FIP1L1: variants seen among roughly 807,000 people sequenced by gnomAD.
FIP1L1 encodes the protein pre-mRNA 3'-end-processing factor FIP1.
FIP1L1 carries 21 observed loss-of-function variants against 84.6 expected under a neutral mutation model. The ratio of observed to expected loss-of-function variants is 0.25; its 90% CI spans 0.18 to 0.36. The LOEUF is 0.36. FIP1L1 is among the 10% of genes least tolerant of loss of function. The probability of loss-of-function intolerance (pLI) is 1.00; values close to 1 mark genes in which losing one functional copy is unlikely to be tolerated. For synonymous variants in FIP1L1, 263 were observed against 242.3 expected, an observed-to-expected ratio of 1.09 and a Z score of -0.80; for missense variants, 526 against 751.1, an observed-to-expected ratio of 0.70 and a Z score of 3.50.
At chr4:53,420,840 G>A (rs1762124494) in intron 11 of FIP1L1, among the ~76,000 whole-genome samples, 1 of 152,120 alleles carries the variant, frequency 6.6e-6, no homozygotes, top group Non-Finnish European at 1.5e-5. Context: ...ATATTCTTAT[G>A]TTGATGGATA....
At chr4:53,393,478 C>T (rs1234788361) in intron 9 of FIP1L1, among the ~76,000 whole-genome samples, 1 of 152,144 alleles carries the variant, frequency 6.6e-6, no homozygotes, top group Non-Finnish European at 1.5e-5. Context: ...CATACAGCTT[C>T]AACACTTAAC....
Position 53,458,711 on chromosome 4 carries a change from G to A in FIP1L1, c.1558G>A (p.Ala520Thr). Residue 520 changes from alanine to threonine, a missense_variant, in exon 17 of 18, where the codon GCA becomes ACA. Transcript: ENST00000337488. The stretch of plus-strand genomic sequence containing the variant: ...AGAAAGAGGTTATGAGCGTCACAGA[G>A]CAAGTCGAGAAAAAGAAGAACGACA... ...YAERGYERHRASREKEERHRE... is the reference protein window; with the variant it reads ...YAERGYERHRTSREKEERHRE... 1 of 1,613,262 alleles carries A rather than the reference G, an allele frequency of 6.2e-7. No individual in the cohort carries two copies. Among genetic ancestry groups the A allele is most frequent in the Non-Finnish European group, 8.5e-7 (1 of 1,179,492 alleles).
intron 10 of FIP1L1, among the ~76,000 whole-genome samples, chr4:53,404,283 A>G (rs1751963641): frequency 6.6e-6 from 1 of 150,456 alleles, no homozygotes; most frequent in African/African-American, 2.4e-5. Context: ...TTCTTGTGAT[A>G]GTTTACTGAG....
In FIP1L1 at chr4:53,431,277, A is replaced by G. The variant is rs114033811; in HGVS notation, c.1174+3094A>G. ...CAGTTACCCTTTACCACAGAACCAC[A>G]TGATTACACTATGTTCCGTAGTTTG... On this transcript the variant is annotated intron_variant, in intron 13 of 17. Transcript: ENST00000337488. Among the ~76,000 whole-genome samples, 1,092 of 152,336 alleles carry G rather than the reference A, an allele frequency of 7.2e-3. 14 individuals are homozygous for G. Among genetic ancestry groups the G allele is most frequent in the African/African-American group, 0.025 (1,020 of 41,572 alleles).
chr4:53,431,352 T>A (rs1257828603), intron 13 of FIP1L1, among the ~76,000 whole-genome samples: 2 of 152,232 alleles, frequency 1.3e-5, no homozygotes, highest in Non-Finnish European at 2.9e-5. Context: ...GAAAGAAAGC[T>A]ATGATTCAGG....
At chr4:53,444,170 C>A in intron 15 of FIP1L1, 67 bp downstream of exon 15, 2 of 1,059,710 alleles carry the variant, frequency 1.9e-6, no homozygotes, top group South Asian at 1.3e-5. Context: ...ATTTTTAAAG[C>A]AATAAAAACG....
chr4:53,382,220 C>A (rs1738473586), intron 3 of FIP1L1, 58 bp from the exon 4 acceptor site: 1 of 1,184,252 alleles, frequency 8.4e-7, no homozygotes, highest in Non-Finnish European at 1.3e-6. Context: ...CTAATATAAT[C>A]TATCTGTACT....
intron 12 of FIP1L1, among the ~76,000 whole-genome samples, chr4:53,426,301 C>G (rs1303975644): frequency 4.6e-5 from 7 of 151,694 alleles, no homozygotes; most frequent in Non-Finnish European, 8.8e-5. Flanking sequence ...GAGATGAGAC[C>G]CAAGTCTAAA....
intron 16 of FIP1L1, among the ~76,000 whole-genome samples, chr4:53,454,127 G>A (rs1717651104): frequency 6.6e-6 from 1 of 152,104 alleles, no homozygotes; most frequent in South Asian, 2.1e-4. Context: ...CCTGATTTTA[G>A]TTATTTATAT....
intron 15 of FIP1L1, among the ~76,000 whole-genome samples, chr4:53,450,321 G>C (rs1346367258): frequency 6.6e-6 from 1 of 152,128 alleles, no homozygotes; most frequent in Non-Finnish European, 1.5e-5. Context: ...AATTTGAAAT[G>C]GTTAGGTATT....
At chr4:53,450,332 AT>A (rs1221202642) in intron 15 of FIP1L1, among the ~76,000 whole-genome samples, 1 of 152,170 alleles carries the variant, frequency 6.6e-6, no homozygotes, top group Non-Finnish European at 1.5e-5. Context: ...GTTAGGTATT[AT>A]TTTCTCATAA....
chr4:53,460,716 A>G lies in FIP1L1; in HGVS notation c.*1267A>G, dbSNP rs1452229728. 12 of 550,076 alleles carry G rather than the reference A, an allele frequency of 2.2e-5. No individual in the cohort carries two copies. Among genetic ancestry groups the G allele is most frequent in the Non-Finnish European group, 3.4e-5 (11 of 322,540 alleles). The allele number at this position is 550,076 out of a possible 1,614,324, so 34.1% of individuals were successfully genotyped here. ...GAGAAATCCTCCACACTGAAAAAAAACTAGTAGTTTTAATTTTTTTGGAAT... is the reference window on the plus strand; with the variant it reads ...GAGAAATCCTCCACACTGAAAAAAAGCTAGTAGTTTTAATTTTTTTGGAAT... On this transcript the variant is annotated 3_prime_UTR_variant, in exon 18 of 18. Coordinates refer to ENST00000337488, the MANE Select transcript of FIP1L1 (RefSeq NM_030917.4).
chr4:53,379,730 A>T (rs950191136), intron 3 of FIP1L1, among the ~76,000 whole-genome samples: 1 of 152,142 alleles, frequency 6.6e-6, no homozygotes, highest in Non-Finnish European at 1.5e-5. Context: ...TAATTAGCTG[A>T]TTTGTTATAA....
chr4:53,414,535 C>G, intron 10 of FIP1L1, 80 bp from the exon 11 acceptor site: 1 of 811,180 alleles, frequency 1.2e-6, no homozygotes, highest in South Asian at 1.8e-5. Context: ...AAAAGCATGT[C>G]AAGAAAAAAA....
intron 9 of FIP1L1, among the ~76,000 whole-genome samples, chr4:53,394,433 T>G (rs1746153057): frequency 6.6e-6 from 1 of 152,140 alleles, no homozygotes; most frequent in Admixed American, 6.5e-5. Flanking sequence ...GATGTCAGTA[T>G]TTTTAGGTGT....
intron 3 of FIP1L1, among the ~76,000 whole-genome samples, chr4:53,380,542 A>G (rs1210686977): frequency 6.6e-6 from 1 of 152,218 alleles, no homozygotes. Context: ...AGATTGTATA[A>G]TATGTGAATT....
intron 9 of FIP1L1, among the ~76,000 whole-genome samples, chr4:53,395,864 T>C (rs2149442003): frequency 6.6e-6 from 1 of 152,280 alleles, no homozygotes; most frequent in East Asian, 1.9e-4. Context: ...GCACTCATCT[T>C]GTGGATATAG....
intron 11 of FIP1L1, among the ~76,000 whole-genome samples, chr4:53,424,696 G>C: frequency 6.6e-6 from 1 of 152,022 alleles, no homozygotes; most frequent in East Asian, 1.9e-4. Context: ...AGGTCTACTT[G>C]AGATAAACTC....
chr4:53,417,756 C>CAA lies in FIP1L1; in HGVS notation c.923+3035_923+3036insAA, dbSNP rs1314071556. Among the ~76,000 whole-genome samples, 6 of 33,008 alleles carry CAA rather than the reference C, an allele frequency of 1.8e-4. 1 individual carries two copies. The highest frequency in any genetic ancestry group is 3.8e-4 in the Admixed American group (1 of 2,624). 21.7% of individuals were successfully genotyped at this position (33,008 alleles called of 152,430 possible). The stretch of plus-strand genomic sequence containing the variant: ...CTTTTTAAACACACACACACACACA[C>CAA]ACACACACTCTCTCTCTCTCTCTCT... On this transcript the variant is annotated intron_variant, in intron 11 of 17. Transcript: ENST00000337488.
Sources: gnomAD v4.1 joint callset for allele counts (sites outside exome capture counted in the v4.1 genomes callset) on GRCh38, gnomAD v4.1.1 for gene constraint, MANE v1.5 for transcripts, NCBI Gene and HGNC (gene_info 2026-07-23, HGNC 2026-07-21) for gene names.